TENM2: variants seen among roughly 807,000 people sequenced by gnomAD.
The protein encoded by TENM2 is teneurin transmembrane protein 2, also known as teneurin-2.
Under a neutral mutation model 245.2 loss-of-function variants are expected in TENM2, and 52 were observed. The ratio of observed to expected loss-of-function variants is 0.21; its 90% CI spans 0.17 to 0.27. The LOEUF is 0.27. TENM2 is among the 10% of genes least tolerant of loss of function. The probability of loss-of-function intolerance (pLI) is 1.00; values close to 1 mark genes in which losing one functional copy is unlikely to be tolerated. For missense variants in TENM2, 3,046 were observed against 3,666.8 expected, an observed-to-expected ratio of 0.83 and a Z score of 4.37; for synonymous variants, 1,363 against 1,438.9, an observed-to-expected ratio of 0.95 and a Z score of 1.19.
chr5:168,084,614 A>G (rs1792288110), intron 7 of TENM2, among the ~76,000 whole-genome samples: 1 of 152,244 alleles, frequency 6.6e-6, no homozygotes, highest in African/African-American at 2.4e-5. Context: ...TAGGCCAGGC[A>G]GAGGGAAAGG....
At chr5:167,330,298 A>G (rs1254084216) in intron 1 of TENM2, among the ~76,000 whole-genome samples, 1 of 152,156 alleles carries the variant, frequency 6.6e-6, no homozygotes, top group Non-Finnish European at 1.5e-5. Context: ...TTGGTTAAAT[A>G]TTCCTGTTTT....
chr5:167,736,073 C>T (rs1196329092), intron 2 of TENM2, among the ~76,000 whole-genome samples: 1 of 152,144 alleles, frequency 6.6e-6, no homozygotes, highest in Non-Finnish European at 1.5e-5. Context: ...AATTGACTCA[C>T]AGTTCAGCAT....
chr5:167,214,204 T>C, the TENM2 span, among the ~76,000 whole-genome samples: 1 of 152,184 alleles, frequency 6.6e-6, no homozygotes, highest in Non-Finnish European at 1.5e-5. Context: ...AGAGCCCTGA[T>C]TTACAGCATT....
chr5:168,261,274 T>A (rs1367992978), intron 28 of TENM2, among the ~76,000 whole-genome samples: 2 of 152,156 alleles, frequency 1.3e-5, no homozygotes, highest in African/African-American at 4.8e-5. Flanking sequence ...GCCAAGGAGA[T>A]AATGGTGATT....
At chr5:167,436,140 G>A (rs1189116442) in intron 2 of TENM2, among the ~76,000 whole-genome samples, 1 of 151,148 alleles carries the variant, frequency 6.6e-6, no homozygotes, top group African/African-American at 2.4e-5. Context: ...CACCACACCC[G>A]GCTAATTTTT....
chr5:167,729,575 A>G (rs1389383607), intron 2 of TENM2, among the ~76,000 whole-genome samples: 2 of 151,820 alleles, frequency 1.3e-5, no homozygotes, highest in Non-Finnish European at 2.9e-5. Flanking sequence ...GGAAATGTCA[A>G]TTAATGAGAG....
chr5:168,235,012 G>A (rs1475935680), intron 25 of TENM2, among the ~76,000 whole-genome samples: 1 of 152,214 alleles, frequency 6.6e-6, no homozygotes, highest in Non-Finnish European at 1.5e-5. Flanking sequence ...GCAAATCACA[G>A]TGACAGAGGA....
intron 12 of TENM2, among the ~76,000 whole-genome samples, chr5:168,141,583 T>G (rs747988304): frequency 6.6e-6 from 1 of 152,242 alleles, no homozygotes; most frequent in Non-Finnish European, 1.5e-5. Context: ...TCTCTTGATC[T>G]AATTGGAACA....
Position 167,745,086 on chromosome 5 carries a change from G to A in TENM2, c.503-130900G>A, listed in dbSNP as rs561182557. Among the ~76,000 whole-genome samples the A allele has an allele frequency of 3.6e-4, 55 of 152,136 alleles. 1 individual carries two copies. Among genetic ancestry groups the A allele is most frequent in the Non-Finnish European group, 5.9e-4 (40 of 68,036 alleles). On this transcript the variant is annotated intron_variant, in intron 2 of 28. Coordinates refer to ENST00000518659, the Ensembl canonical transcript of TENM2. ...ATATAGATGCTCATCAGAACAGCAC[G>A]TCATATGAATTCTTCTCAAATTGGT...
intron 2 of TENM2, among the ~76,000 whole-genome samples, chr5:167,585,249 T>C (rs1159864588): frequency 2.0e-5 from 3 of 152,218 alleles, no homozygotes; most frequent in Admixed American, 6.5e-5. Flanking sequence ...GTACACTCTT[T>C]AGATGTTTTC....
intron 2 of TENM2, among the ~76,000 whole-genome samples, chr5:167,677,482 G>A (rs1756410239): frequency 6.6e-6 from 1 of 151,350 alleles, no homozygotes; most frequent in Admixed American, 6.6e-5. Context: ...CAGAGCAAAA[G>A]GTTTGCTGTG....
the TENM2 span, among the ~76,000 whole-genome samples, chr5:166,990,961 C>T: frequency 6.6e-6 from 1 of 151,630 alleles, no homozygotes; most frequent in African/African-American, 2.4e-5. Context: ...TTGAGTGTGA[C>T]AGTTGGATTG....
chr5:167,935,024 C>A, intron 3 of TENM2: 4 of 598,962 alleles, frequency 6.7e-6, no homozygotes, highest in African/African-American at 2.0e-5. Flanking sequence ...CTCATGAGTG[C>A]GAGCGGGAAA....
chr5:167,520,643 A>T (rs1384443153), intron 2 of TENM2, among the ~76,000 whole-genome samples: 1 of 152,070 alleles, frequency 6.6e-6, no homozygotes. Context: ...TGCAGAATAG[A>T]GTTTATGATT....
intron 27 of TENM2, among the ~76,000 whole-genome samples, chr5:168,256,111 A>AT (rs1767633512): frequency 6.6e-6 from 1 of 151,840 alleles, no homozygotes; most frequent in African/African-American, 2.4e-5. Flanking sequence ...GCTAGAATTT[A>AT]TTTTTTTAAT....
the TENM2 span, among the ~76,000 whole-genome samples, chr5:167,075,873 C>T: frequency 1.3e-5 from 2 of 152,096 alleles, no homozygotes; most frequent in Non-Finnish European, 2.9e-5. Context: ...AGGCTTCTGC[C>T]CTCTGCTGCT....
At chr5:167,231,880 G>A in the TENM2 span, among the ~76,000 whole-genome samples, 1 of 152,256 alleles carries the variant, frequency 6.6e-6, no homozygotes, top group Middle Eastern at 3.4e-3. Context: ...TTTATGGGCC[G>A]GCCCCGGGCC....
intron 2 of TENM2, among the ~76,000 whole-genome samples, chr5:167,799,575 G>C (rs770608587): frequency 2.0e-5 from 3 of 152,256 alleles, no homozygotes; most frequent in Non-Finnish European, 4.4e-5. Flanking sequence ...GAAATACAAG[G>C]ACTAACTTTT....
intron 2 of TENM2, among the ~76,000 whole-genome samples, chr5:167,407,217 G>C (rs1188694340): frequency 6.6e-6 from 1 of 152,096 alleles, no homozygotes; most frequent in African/African-American, 2.4e-5. Context: ...GGGACTTTGT[G>C]AGCAGTGATC....
Sources: gnomAD v4.1 joint callset for allele counts (sites outside exome capture counted in the v4.1 genomes callset) on GRCh38, gnomAD v4.1.1 for gene constraint, MANE v1.5 for transcripts, NCBI Gene and HGNC (gene_info 2026-07-23, HGNC 2026-07-21) for gene names.